The following SVEP1 variants were observed in gnomAD, a reference collection of about 807,000 sequenced individuals.
The protein encoded by SVEP1 is sushi, von Willebrand factor type A, EGF and pentraxin domain containing 1.
Under a neutral mutation model 367.3 loss-of-function variants are expected in SVEP1, and 164 were observed. The observed-to-expected ratio is 0.45, with a 90% confidence interval of 0.39 to 0.51. SVEP1 has a LOEUF of 0.51. Ranked by LOEUF, SVEP1 falls within the 20% of genes least tolerant of loss-of-function variation. SVEP1 has a pLI of 0.00. For synonymous variants in SVEP1, 1,666 were observed against 1,611.6 expected (o/e 1.03, Z -0.81); for missense variants, 4,117 against 4,425.3 (o/e 0.93, Z 1.98).
intron 1 of SVEP1, among the ~76,000 whole-genome samples, chr9:110,573,098 C>G (rs774598729): frequency 6.6e-6 from 1 of 151,902 alleles, no homozygotes; most frequent in East Asian, 1.9e-4. Flanking sequence ...CAACAGTGAG[C>G]GATTGTTGAT....
intron 6 of SVEP1, among the ~76,000 whole-genome samples, chr9:110,501,377 T>C (rs566585600): frequency 1.4e-5 from 2 of 147,822 alleles, no homozygotes; most frequent in Middle Eastern, 3.5e-3. Context: ...CCACATGTTC[T>C]GTTTATCATT....
intron 17 of SVEP1, among the ~76,000 whole-genome samples, chr9:110,467,759 CTGAG>C (rs1410931182): frequency 6.6e-6 from 1 of 151,872 alleles, no homozygotes; most frequent in Non-Finnish European, 1.5e-5. Flanking sequence ...CCTCATTCTC[CTGAG>C]TAACTGGGAC....
In SVEP1 at chr9:110,579,648, G is replaced by T; in HGVS notation, c.-105C>A. 4.5e-6 allele frequency: 6 copies of T among 1,338,264 alleles called. No individual in the cohort carries two copies. In the South Asian group the frequency reaches 8.1e-5, roughly 18 times the overall value. 82.9% of individuals were successfully genotyped at this position (1,338,264 alleles called of 1,614,324 possible). Reference sequence around the variant, plus strand: ...GAGGGGCGTGCGCGGAGCTGGGCGCGGGGCAGCGGCCAAGAGCCTCAGCGC... The same window carrying T: ...GAGGGGCGTGCGCGGAGCTGGGCGCTGGGCAGCGGCCAAGAGCCTCAGCGC... On this transcript the variant is annotated 5_prime_UTR_variant, in exon 1 of 48. Coordinates refer to ENST00000374469, the MANE Select transcript of SVEP1 (RefSeq NM_153366.4). This position sits in a 1 kb window ranked among gnomAD's most constrained non-coding sequence, Gnocchi z 5.3.
chr9:110,559,255 C>T (rs918214047), intron 1 of SVEP1, among the ~76,000 whole-genome samples: 1 of 151,894 alleles, frequency 6.6e-6, no homozygotes, highest in Non-Finnish European at 1.5e-5. Context: ...TCTGCTCCCT[C>T]TAAAAAAATC....
intron 43 of SVEP1, among the ~76,000 whole-genome samples, chr9:110,382,232 A>C (rs530198283): frequency 7.2e-5 from 11 of 152,004 alleles, no homozygotes; most frequent in African/African-American, 2.7e-4. Context: ...CTTCCTCTCC[A>C]TATTTAGTGC....
chr9:110,400,953 A>T lies in SVEP1; in HGVS notation c.9723T>A (p.Cys3241Ter), dbSNP rs980111248. Residue 3241 changes from cysteine to a stop codon, truncating the protein, a stop_gained, in exon 40 of 48, where the codon TGT becomes TGA. Coordinates refer to ENST00000374469, the MANE Select transcript of SVEP1 (RefSeq NM_153366.4). LOFTEE classifies it high-confidence loss of function. ...FSDESCSPVS[C>*]GKPESPEHGF... ...CATGTTCTGGACTTTCAGGTTTCCCACAAGAAACTGGACTGCAAGATTCAT... is the reference window on the plus strand; with the variant it reads ...CATGTTCTGGACTTTCAGGTTTCCCTCAAGAAACTGGACTGCAAGATTCAT... The T allele has an allele frequency of 6.2e-7, 1 of 1,613,940 alleles. No individual in the cohort carries two copies. Among genetic ancestry groups the T allele is most frequent in the Non-Finnish European group, 8.5e-7 (1 of 1,179,852 alleles).
intron 5 of SVEP1, among the ~76,000 whole-genome samples, chr9:110,504,892 G>A (rs1360493660): frequency 1.3e-5 from 2 of 152,068 alleles, no homozygotes; most frequent in East Asian, 1.9e-4. Flanking sequence ...TGCTCCAAAC[G>A]TGCTCGGGGT....
At chr9:110,527,243 CT>C (rs1425383373) in intron 3 of SVEP1, among the ~76,000 whole-genome samples, 1 of 151,872 alleles carries the variant, frequency 6.6e-6, no homozygotes, top group Non-Finnish European at 1.5e-5. Flanking sequence ...CTGTATATTA[CT>C]TCTTAAAATT....
In SVEP1 at chr9:110,489,706, G is replaced by T; in HGVS notation, c.1874C>A (p.Thr625Lys). Residue 625 changes from threonine to lysine, a missense_variant, in exon 9 of 48, where the codon ACG becomes AAG. Physicochemically the swap from Thr to Lys is moderately conservative, Grantham distance 78 (BLOSUM62 -1). Coordinates refer to ENST00000374469, the MANE Select transcript of SVEP1 (RefSeq NM_153366.4). The part of the protein sequence containing the change: ...FPIGDVAIVY[T>K]ATDLSGNQAS... ...CTGGTTGCCGGATAGGTCAGTTGCC[G>T]TGTATACGATAGCAACATCTCCAAT... 2 of 1,613,556 alleles carry T rather than the reference G, an allele frequency of 1.2e-6. No individual in the cohort carries two copies. Among genetic ancestry groups the T allele is most frequent in the Non-Finnish European group, 1.7e-6 (2 of 1,179,634 alleles).
chr9:110,508,575 C>T (rs191854866), intron 5 of SVEP1, among the ~76,000 whole-genome samples: 3 of 151,978 alleles, frequency 2.0e-5, no homozygotes, highest in African/African-American at 7.2e-5. Flanking sequence ...TCCTGGCGAA[C>T]ATGGTGAAAC....
Position 110,513,965 on chromosome 9 carries a change from G to A in SVEP1, c.1106C>T (p.Ser369Phe). ...AGACTCACGTTCACAGGTCTGGCCA[G>A]ATGCCCTGTATCCCTCTCTGCAGAC... is the stretch of plus-strand genomic sequence containing the variant. ...DCVCREGYRA[S>F]GQTCELVHCP... The change falls in exon 4 of 48, where the codon TCT becomes TTT. Residue 369 changes from serine to phenylalanine, a missense_variant. Physicochemically the swap from Ser to Phe is radical, Grantham distance 155. This residue lies in a region of SVEP1 where 2,174 missense variants were observed against 2,494.3 expected (regional missense o/e 0.87). Transcript: ENST00000374469. 1.2e-6 allele frequency: 2 copies of A among 1,613,182 alleles called. No individual in the cohort carries two copies. The highest frequency in any genetic ancestry group is 2.2e-5 in the South Asian group (2 of 90,816).
Position 110,512,914 on chromosome 9 carries a change from C to T in SVEP1, c.1303+12G>A, listed in dbSNP as rs1199512420. 1 of 1,613,836 alleles carries T rather than the reference C, an allele frequency of 6.2e-7. No individual in the cohort carries two copies. The highest frequency in any genetic ancestry group is 1.3e-5 in the African/African-American group (1 of 75,038). On this transcript the variant is annotated intron_variant, in intron 5 of 47. Coordinates refer to ENST00000374469, the MANE Select transcript of SVEP1 (RefSeq NM_153366.4). Reference sequence around the variant, plus strand: ...ACAGTAAATAAACAATGTAAATTGGCAGTTTGCATACCTCTGCAGTAGCTC... The same window carrying T: ...ACAGTAAATAAACAATGTAAATTGGTAGTTTGCATACCTCTGCAGTAGCTC...
chr9:110,378,382 A>C (rs1029132555), intron 44 of SVEP1, among the ~76,000 whole-genome samples: 1 of 152,100 alleles, frequency 6.6e-6, no homozygotes, highest in Non-Finnish European at 1.5e-5. Flanking sequence ...GTTTCTTTTG[A>C]GGCTCATGCC....
intron 23 of SVEP1, among the ~76,000 whole-genome samples, chr9:110,451,066 T>A (rs1453857672): frequency 1.3e-5 from 2 of 152,150 alleles, no homozygotes; most frequent in Admixed American, 6.5e-5. Context: ...ATACACAAAT[T>A]ATTTTTTGCT....
At chr9:110,565,313 ATTT>A (rs1307320289) in intron 1 of SVEP1, among the ~76,000 whole-genome samples, 1 of 152,194 alleles carries the variant, frequency 6.6e-6, no homozygotes, top group Non-Finnish European at 1.5e-5. Flanking sequence ...CTGAATGATT[ATTT>A]GAGAGTAATA....
In SVEP1 at chr9:110,579,462, G is replaced by C; in HGVS notation, c.82C>G (p.Arg28Gly). The C allele has an allele frequency of 6.2e-7, 1 of 1,602,130 alleles. No individual in the cohort carries two copies. The highest frequency in any genetic ancestry group is 8.5e-7 in the Non-Finnish European group (1 of 1,175,428). The change falls in exon 1 of 48, where the codon CGC becomes GGC. Residue 28 changes from arginine to glycine, a missense_variant. By Grantham distance (125) the Arg-to-Gly change is moderately radical. Around this residue, in one of 4 missense-constraint regions of SVEP1, gnomAD observed 161 missense variants for 122.4 expected, o/e 1.32. Coordinates refer to ENST00000374469, the MANE Select transcript of SVEP1 (RefSeq NM_153366.4). This position sits in a 1 kb window ranked among gnomAD's most constrained non-coding sequence, Gnocchi z 5.3. The part of the protein sequence containing the change: ...WATFQQMSPS[R>G]NFSFRLFPET... ...GGGAAGAGGCGGAAGCTGAAATTGC[G>C]CGACGGGGACATCTGCTGAAAGGTC...
In SVEP1 at chr9:110,365,526, G is replaced by C. The variant is rs1827184902; in HGVS notation, c.*1013C>G. Reference sequence around the variant, plus strand: ...TTTCCTATTTTAAAACAAAATCTAGGGTTTGACTTTATTTTCTGAAGTCTG... The same window carrying C: ...TTTCCTATTTTAAAACAAAATCTAGCGTTTGACTTTATTTTCTGAAGTCTG... On this transcript the variant is annotated 3_prime_UTR_variant, in exon 48 of 48. Transcript: ENST00000374469. The C allele has an allele frequency of 6.6e-6, 1 of 152,168 alleles. No individual in the cohort carries two copies. Among genetic ancestry groups the C allele is most frequent in the South Asian group, 2.1e-4 (1 of 4,824 alleles). 9.4% of individuals were successfully genotyped at this position (152,168 alleles called of 1,614,324 possible). A position where few individuals can be genotyped will look rare whatever the true frequency, so the allele number is the denominator to read the frequency against.
At chr9:110,466,095 A>G in intron 17 of SVEP1, 69 bp from the exon 18 acceptor site, 2 of 1,470,406 alleles carry the variant, frequency 1.4e-6, no homozygotes, top group South Asian at 2.7e-5. Flanking sequence ...ACTGTGCGGG[A>G]TAGGGTTTTC....
chr9:110,442,446 ATTTC>A (rs1285343560), intron 27 of SVEP1: 2 of 147,380 alleles, frequency 1.4e-5, no homozygotes, highest in African/African-American at 5.0e-5. Flanking sequence ...ATGGACAATA[ATTTC>A]TTTCTTTTTT....
Sources: gnomAD v4.1 joint callset for allele counts (sites outside exome capture counted in the v4.1 genomes callset) on GRCh38, gnomAD v4.1.1 for gene constraint, gnomAD v4.1.1 regional missense constraint, Gnocchi (gnomAD v3.1) non-coding constraint, MANE v1.5 for transcripts, NCBI Gene and HGNC (gene_info 2026-07-23, HGNC 2026-07-21) for gene names.